RBFOX1: variants seen among roughly 807,000 people sequenced by gnomAD.
RBFOX1 encodes the protein RNA binding fox-1 homolog 1.
Under a neutral mutation model 57.7 loss-of-function variants are expected in RBFOX1, and 8 were observed. That is an observed-to-expected ratio of 0.14 (90% CI 0.08 to 0.25). The LOEUF (loss-of-function observed/expected upper bound fraction) is 0.25. RBFOX1 is among the 10% of genes least tolerant of loss of function. The probability of loss-of-function intolerance (pLI) is 1.00; values close to 1 mark genes in which losing one functional copy is unlikely to be tolerated. For missense variants in RBFOX1, 611 were observed against 548.5 expected (o/e 1.11, Z -1.14); for synonymous variants, 326 against 222.4 (o/e 1.47, Z -4.15).
intron 5 of RBFOX1, among the ~76,000 whole-genome samples, chr16:7,562,846 C>G (rs541826313): frequency 1.3e-5 from 2 of 152,224 alleles, no homozygotes; most frequent in Non-Finnish European, 2.9e-5. Context: ...TGTAGGTATA[C>G]TGGACCACAG....
intron 9 of RBFOX1, among the ~76,000 whole-genome samples, chr16:7,600,460 C>T (rs986972320): frequency 1.3e-5 from 2 of 152,030 alleles, no homozygotes; most frequent in Non-Finnish European, 1.5e-5. Flanking sequence ...AATATAGGGC[C>T]CTTTCATATC....
intron 2 of RBFOX1, among the ~76,000 whole-genome samples, chr16:6,581,333 C>T: frequency 6.6e-6 from 1 of 152,146 alleles, no homozygotes; most frequent in Admixed American, 6.5e-5. Flanking sequence ...AACCCAGCAC[C>T]CTTGCCTTCC....
At chr16:7,355,634 C>T (rs888522736) in intron 4 of RBFOX1, among the ~76,000 whole-genome samples, 1 of 152,122 alleles carries the variant, frequency 6.6e-6, no homozygotes, top group Non-Finnish European at 1.5e-5. Flanking sequence ...CTGTACAGGT[C>T]CACTCTATCA....
intron 3 of RBFOX1, among the ~76,000 whole-genome samples, chr16:6,812,307 C>G (rs2088872519): frequency 6.6e-6 from 1 of 152,182 alleles, no homozygotes; most frequent in Non-Finnish European, 1.5e-5. Context: ...GGTCTACTAA[C>G]AGAACCTTAG....
chr16:7,291,702 C>A (rs1379357063), intron 4 of RBFOX1, among the ~76,000 whole-genome samples: 1 of 151,748 alleles, frequency 6.6e-6, no homozygotes, highest in Non-Finnish European at 1.5e-5. Context: ...ATGCAGGAGG[C>A]TGTCTGAAGT....
chr16:6,373,240 G>C (rs1448515757), intron 2 of RBFOX1, among the ~76,000 whole-genome samples: 2 of 150,720 alleles, frequency 1.3e-5, no homozygotes, highest in Non-Finnish European at 2.9e-5. Context: ...GGGATCACTG[G>C]GTAGGAGGAT....
intron 1 of RBFOX1, among the ~76,000 whole-genome samples, chr16:6,047,849 GA>G (rs1445688407): frequency 6.6e-6 from 1 of 152,052 alleles, no homozygotes; most frequent in Non-Finnish European, 1.5e-5. Flanking sequence ...TTTTATGCAT[GA>G]AAAAAATAAG....
At chr16:6,619,031 G>A (rs1036381866) in intron 2 of RBFOX1, among the ~76,000 whole-genome samples, 2 of 152,158 alleles carry the variant, frequency 1.3e-5, no homozygotes, top group Non-Finnish European at 2.9e-5. Flanking sequence ...TTTCCCAGGG[G>A]ATCAGGGAGA....
chr16:7,125,947 G>C (rs913442564), intron 4 of RBFOX1, among the ~76,000 whole-genome samples: 1 of 152,134 alleles, frequency 6.6e-6, no homozygotes, highest in Non-Finnish European at 1.5e-5. Flanking sequence ...CCTGTGCGTG[G>C]TGGCACACAC....
In RBFOX1 at chr16:5,994,510, G is replaced by A. The variant is rs546240033; in HGVS notation, c.351+127175G>A. Reference sequence around the variant, plus strand: ...GTTTCAGATTTTTCCAAGTGGTCCTGGTACCACAATTTTAGCAGCAGATTT... The same window carrying A: ...GTTTCAGATTTTTCCAAGTGGTCCTAGTACCACAATTTTAGCAGCAGATTT... On this transcript the variant is annotated intron_variant, in intron 4 of 19. Transcript: ENST00000641259. Among the ~76,000 whole-genome samples, 147 of 152,240 alleles carry A rather than the reference G, an allele frequency of 9.7e-4. 1 individual carries two copies. Among genetic ancestry groups the A allele is most frequent in the African/African-American group, 3.5e-3 (146 of 41,540 alleles).
intron 4 of RBFOX1, among the ~76,000 whole-genome samples, chr16:7,235,131 G>A (rs890622278): frequency 3.9e-5 from 6 of 152,250 alleles, no homozygotes; most frequent in South Asian, 2.1e-4. Context: ...TCTACACATC[G>A]GTAGTAGTCA....
At chr16:7,199,338 G>C (rs1308636169) in intron 4 of RBFOX1, among the ~76,000 whole-genome samples, 1 of 150,318 alleles carries the variant, frequency 6.7e-6, no homozygotes, top group Admixed American at 6.6e-5. Context: ...TTTTTTTTCT[G>C]TTTTATCATT....
chr16:6,272,550 A>T (rs1411656340), intron 1 of RBFOX1, among the ~76,000 whole-genome samples: 1 of 152,184 alleles, frequency 6.6e-6, no homozygotes, highest in Non-Finnish European at 1.5e-5. Context: ...TTCTGTAAAA[A>T]TCCCGGTAAG....
In RBFOX1 at chr16:5,999,894, AAAAAAAAAAAAAAG is replaced by A. The variant is rs1278477774; in HGVS notation, c.351+132561_351+132574del. Among the ~76,000 whole-genome samples, 42 of 81,174 alleles carry A rather than the reference AAAAAAAAAAAAAAG, an allele frequency of 5.2e-4. 4 individuals carry two copies. The highest frequency in any genetic ancestry group is 1.1e-3 in the Admixed American group (9 of 8,018). The allele number at this position is 81,174 out of a possible 152,430, so 53.3% of individuals were successfully genotyped here. A position where few individuals can be genotyped will look rare whatever the true frequency, so the allele number is the denominator to read the frequency against. On this transcript the variant is annotated intron_variant, in intron 4 of 19. Coordinates refer to the RBFOX1 transcript ENST00000641259. ...AAAAAAAAAAAAAAAAAAAAAAAAAAAAAAAAAAAAAAAGAGTGAAGAAGGGAAATCAGACAAGG... is the reference window on the plus strand; with the variant it reads ...AAAAAAAAAAAAAAAAAAAAAAAAAAAGTGAAGAAGGGAAATCAGACAAGG...
At chr16:7,326,853 A>G (rs1178817086) in intron 4 of RBFOX1, among the ~76,000 whole-genome samples, 1 of 152,144 alleles carries the variant, frequency 6.6e-6, no homozygotes, top group African/African-American at 2.4e-5. Context: ...GGTAGCTCTC[A>G]GTGGTCTGGG....
chr16:5,775,008 A>T (rs749233768), intron 3 of RBFOX1, among the ~76,000 whole-genome samples: 3 of 152,140 alleles, frequency 2.0e-5, no homozygotes, highest in Non-Finnish European at 4.4e-5. Flanking sequence ...CAATTTTAAG[A>T]ATGGCAATCC....
chr16:7,229,541 AAG>A (rs1427808164), intron 4 of RBFOX1, among the ~76,000 whole-genome samples: 39 of 138,832 alleles, frequency 2.8e-4, no homozygotes, highest in East Asian at 1.2e-3. Flanking sequence ...GGAGGAAGGG[AAG>A]GAGAGAGAGA....
At chr16:5,969,012 G>C (rs1463222826) in intron 4 of RBFOX1, among the ~76,000 whole-genome samples, 1 of 151,786 alleles carries the variant, frequency 6.6e-6, no homozygotes, top group East Asian at 1.9e-4. Flanking sequence ...GGTTTTTCTA[G>C]TTTATTCTTG....
chr16:6,496,387 G>A (rs2095769086), intron 2 of RBFOX1, among the ~76,000 whole-genome samples: 1 of 152,176 alleles, frequency 6.6e-6, no homozygotes, highest in South Asian at 2.1e-4. Context: ...CTTTGCGGCA[G>A]GCGTTTGTGT....
Sources: allele counts gnomAD v4.1 joint callset (sites outside exome capture counted in the v4.1 genomes callset), GRCh38; gene constraint gnomAD v4.1.1; transcripts MANE v1.5; gene names NCBI Gene and HGNC (gene_info 2026-07-23, HGNC 2026-07-21).